Variants in UGT1A3 observed in about 807,000 individuals in gnomAD.
The protein encoded by UGT1A3 is UDP glucuronosyltransferase family 1 member A3.
In UGT1A3, 31 loss-of-function variants were observed where a neutral mutation model predicts 41.0. The ratio of observed to expected loss-of-function variants is 0.76; its 90% CI spans 0.57 to 1.02. The LOEUF is 1.02. Among genes scored for constraint, UGT1A3 ranks in the 50% least tolerant of loss-of-function variants. The pLI is 0.00. For synonymous variants in UGT1A3, 262 were observed against 257.6 expected, an observed-to-expected ratio of 1.02 and a Z score of -0.17; for missense variants, 737 against 671.0, an observed-to-expected ratio of 1.10 and a Z score of -1.09.
At chr2:233,762,867 G>T (rs1181874118) in intron 1 of UGT1A3, among the ~76,000 whole-genome samples, 2 of 151,628 alleles carry the variant, frequency 1.3e-5, no homozygotes, top group African/African-American at 2.4e-5. Flanking sequence ...AAGAAATTTT[G>T]GTTTCTTCTC....
intron 1 of UGT1A3, among the ~76,000 whole-genome samples, chr2:233,746,183 A>G (rs985573808): frequency 4.6e-5 from 7 of 151,896 alleles, no homozygotes; most frequent in Admixed American, 6.5e-5. Context: ...TGTAAGGAAT[A>G]TATGTATAGG....
At chr2:233,748,100 CCAAT>C (rs1693866670) in intron 1 of UGT1A3, 1 of 1,612,644 alleles carries the variant, frequency 6.2e-7, no homozygotes, top group South Asian at 1.1e-5. Context: ...GTGCCTTCAT[CCAAT>C]CAATGTTCCA....
At chr2:233,747,889 C>G (rs1274333143) in intron 1 of UGT1A3, 6 of 1,613,432 alleles carry the variant, frequency 3.7e-6, no homozygotes, top group Non-Finnish European at 4.2e-6. Context: ...CTTTGCCATG[C>G]TCTTTCTGCT....
chr2:233,760,502 C>T (rs534361076), intron 1 of UGT1A3: 2 of 1,614,242 alleles, frequency 1.2e-6, no homozygotes, highest in Non-Finnish European at 1.7e-6. Flanking sequence ...AGAGACGGAG[C>T]ATTTTACACC....
chr2:233,768,630 A>T (rs1213250960), intron 4 of UGT1A3, among the ~76,000 whole-genome samples, 191 bp downstream of exon 4: 3 of 121,000 alleles, frequency 2.5e-5, no homozygotes, highest in African/African-American at 9.7e-5. Flanking sequence ...TCTGTCACCT[A>T]GGCTGGAGTG....
At chr2:233,738,943 T>C (rs1690943388) in intron 1 of UGT1A3, 1 of 152,080 alleles carries the variant, frequency 6.6e-6, no homozygotes, top group African/African-American at 2.4e-5. Flanking sequence ...AAAAATGGTG[T>C]TTTAGGCTGG....
At chr2:233,756,223 T>G (rs1194154122) in intron 1 of UGT1A3, 1 of 152,204 alleles carries the variant, frequency 6.6e-6, no homozygotes, top group Non-Finnish European at 1.5e-5. Context: ...AAGGGATTAG[T>G]TTAGGACAAC....
intron 1 of UGT1A3, among the ~76,000 whole-genome samples, chr2:233,740,527 G>T (rs1691411320): frequency 1.3e-5 from 2 of 151,834 alleles, no homozygotes; most frequent in African/African-American, 4.9e-5. Flanking sequence ...ACTAAAATCA[G>T]CTGTGTTGAA....
chr2:233,772,237 A>G (rs1390917406), intron 4 of UGT1A3, 25 bp from the exon 5 acceptor site: 5 of 1,614,058 alleles, frequency 3.1e-6, no homozygotes, highest in Middle Eastern at 1.7e-4. Context: ...TGTTCCAGGC[A>G]TAACGAAACT....
intron 1 of UGT1A3, chr2:233,760,610 G>T (rs1389365341): frequency 1.2e-6 from 2 of 1,614,182 alleles, no homozygotes; most frequent in South Asian, 2.2e-5. Flanking sequence ...TTCCTGCAGC[G>T]TGTGATCAAA....
intron 1 of UGT1A3, among the ~76,000 whole-genome samples, chr2:233,752,117 AGAT>A (rs1222756938): frequency 6.6e-6 from 1 of 152,242 alleles, no homozygotes; most frequent in African/African-American, 2.4e-5. Flanking sequence ...GAGGAGAAGA[AGAT>A]GATGGACAGA....
chr2:233,730,285 A>G (rs2078010398), intron 1 of UGT1A3, among the ~76,000 whole-genome samples: 1 of 152,170 alleles, frequency 6.6e-6, no homozygotes, highest in Admixed American at 6.5e-5. Context: ...CACCATCTTC[A>G]TGGTTGTGCA....
chr2:233,760,580 A>G, intron 1 of UGT1A3: 1 of 1,614,212 alleles, frequency 6.2e-7, no homozygotes, highest in Non-Finnish European at 8.5e-7. Context: ...CTCGGGCATA[A>G]TGTTTTTGAG....
At chr2:233,747,695 G>C in intron 1 of UGT1A3, 1 of 1,611,470 alleles carries the variant, frequency 6.2e-7, no homozygotes, top group Non-Finnish European at 8.5e-7. Flanking sequence ...GGGCAGTGCT[G>C]GCTAAGTACC....
chr2:233,743,530 C>A (rs781463146), intron 1 of UGT1A3: 1 of 1,367,250 alleles, frequency 7.3e-7, no homozygotes, highest in Non-Finnish European at 9.8e-7. Flanking sequence ...GCTTCCCCAG[C>A]AGTTCCTCTG....
intron 1 of UGT1A3, among the ~76,000 whole-genome samples, chr2:233,765,606 C>T (rs4663971): frequency 1.3e-5 from 2 of 151,332 alleles, no homozygotes; most frequent in Non-Finnish European, 1.5e-5. Context: ...GGGCTTGTGG[C>T]GGGGTGAGGG....
intron 1 of UGT1A3, among the ~76,000 whole-genome samples, chr2:233,757,560 A>ATATATATATATACATATATATATG (rs904896556): frequency 8.1e-6 from 1 of 123,146 alleles, no homozygotes; most frequent in African/African-American, 3.4e-5. Flanking sequence ...ATATATATAT[A>ATATATATATATACATATATATATG]TGTATATATG....
chr2:233,757,231 AGTG>A (rs1225021845), intron 1 of UGT1A3, among the ~76,000 whole-genome samples: 2 of 127,510 alleles, frequency 1.6e-5, no homozygotes, highest in African/African-American at 6.0e-5. Flanking sequence ...AGGTTCCAGA[AGTG>A]GTGGTGAGGT....
At chr2:233,758,025 T>G (rs1696779079) in intron 1 of UGT1A3, among the ~76,000 whole-genome samples, 1 of 152,184 alleles carries the variant, frequency 6.6e-6, no homozygotes, top group Non-Finnish European at 1.5e-5. Context: ...TCTGTCTACC[T>G]GACCCCTCCT....
Sources: gnomAD v4.1 joint callset for allele counts (sites outside exome capture counted in the v4.1 genomes callset) on GRCh38, gnomAD v4.1.1 for gene constraint, MANE v1.5 for transcripts, NCBI Gene and HGNC (gene_info 2026-07-23, HGNC 2026-07-21) for gene names.